CD247: variants seen among roughly 807,000 people sequenced by gnomAD.
CD247 encodes the protein CD247 molecule.
A neutral mutation model predicts 30.0 loss-of-function variants in CD247; 13 were observed. The ratio of observed to expected loss-of-function variants is 0.43; its 90% CI spans 0.28 to 0.69. CD247 has a LOEUF of 0.69. CD247 is among the 30% of genes least tolerant of loss of function. The pLI is 0.16. For synonymous variants in CD247, 72 were observed against 80.0 expected, an observed-to-expected ratio of 0.90 and a Z score of 0.53; for missense variants, 193 against 212.6, an observed-to-expected ratio of 0.91 and a Z score of 0.57.
intron 1 of CD247, among the ~76,000 whole-genome samples, chr1:167,486,749 G>A (rs1654225330): frequency 6.6e-6 from 1 of 152,232 alleles, no homozygotes; most frequent in African/African-American, 2.4e-5. Flanking sequence ...GCCACTGCAA[G>A]CTGCTCTGAT....
intron 1 of CD247, among the ~76,000 whole-genome samples, chr1:167,512,791 G>A (rs912847651): frequency 1.3e-5 from 2 of 152,202 alleles, no homozygotes; most frequent in African/African-American, 4.8e-5. Context: ...CACAGAGGAA[G>A]AACAGGGCTC....
At chr1:167,436,707 G>A (rs1651558896) in intron 4 of CD247, among the ~76,000 whole-genome samples, 1 of 152,092 alleles carries the variant, frequency 6.6e-6, no homozygotes, top group Non-Finnish European at 1.5e-5. Context: ...CATATAAATG[G>A]CTAAGAGACA....
intron 1 of CD247, among the ~76,000 whole-genome samples, chr1:167,507,270 A>C (rs867628552): frequency 6.6e-6 from 1 of 150,518 alleles, no homozygotes; most frequent in Non-Finnish European, 1.5e-5. Flanking sequence ...GATTGGAGAG[A>C]GAGATGATGA....
At chr1:167,512,521 G>C (rs1174571414) in intron 1 of CD247, among the ~76,000 whole-genome samples, 1 of 152,184 alleles carries the variant, frequency 6.6e-6, no homozygotes, top group Non-Finnish European at 1.5e-5. Flanking sequence ...TTATCTCACA[G>C]ATGCTAAAAC....
At chr1:167,435,462 A>G in intron 4 of CD247, 28 bp from the exon 5 acceptor site, 2 of 1,600,216 alleles carry the variant, frequency 1.2e-6, no homozygotes, top group Non-Finnish European at 1.7e-6. Flanking sequence ...AAGACGTTAG[A>G]GGGAGAGAAA....
intron 1 of CD247, among the ~76,000 whole-genome samples, chr1:167,441,957 G>A (rs1282749031): frequency 4.6e-5 from 7 of 151,960 alleles, no homozygotes; most frequent in Non-Finnish European, 2.9e-5. Context: ...CTAAAAATAC[G>A]AAAATTAGCT....
At chr1:167,460,046 T>C (rs1036925827) in intron 1 of CD247, among the ~76,000 whole-genome samples, 7 of 152,190 alleles carry the variant, frequency 4.6e-5, no homozygotes, top group African/African-American at 1.4e-4. Flanking sequence ...CAGGGTAGGT[T>C]TCCTGGCATC....
rs1571609013 is a variant in CD247, at chr1:167,515,800, T to A, written c.58+2608A>T. Reference sequence around the variant, plus strand: ...TAACATATTGAAAGCAAATGAAGAATCCCAGCCATGGGTTTCCATCTCCTG... The same window carrying A: ...TAACATATTGAAAGCAAATGAAGAAACCCAGCCATGGGTTTCCATCTCCTG... On this transcript the variant is annotated intron_variant, in intron 1 of 7. Transcript: ENST00000362089. Among the ~76,000 whole-genome samples the A allele has an allele frequency of 2.0e-5, 3 of 152,170 alleles. No individual in the cohort carries two copies. In the South Asian group the frequency reaches 6.2e-4, roughly 32 times the overall value.
intron 1 of CD247, among the ~76,000 whole-genome samples, chr1:167,507,222 AT>A (rs766016142): frequency 0.012 from 1,731 of 144,324 alleles, 4 homozygotes; most frequent in Middle Eastern, 0.019. Flanking sequence ...CCTGGCCTGA[AT>A]TTTTTTTTTT....
chr1:167,438,247 G>C (rs1396227072), intron 4 of CD247, among the ~76,000 whole-genome samples: 1 of 152,196 alleles, frequency 6.6e-6, no homozygotes, highest in African/African-American at 2.4e-5. Flanking sequence ...CTCTTCACCA[G>C]GTCTGTCCTC....
chr1:167,501,722 GTGTT>G (rs1654915922), intron 1 of CD247, among the ~76,000 whole-genome samples: 2 of 152,210 alleles, frequency 1.3e-5, no homozygotes, highest in South Asian at 4.1e-4. Context: ...AAACACAACT[GTGTT>G]TGTTCTTCCC....
intron 1 of CD247, chr1:167,448,560 G>T (rs1455074690): frequency 1.0e-6 from 1 of 983,462 alleles, no homozygotes; most frequent in Non-Finnish European, 1.2e-6. Context: ...AGTGCTTATA[G>T]CAATGACCCA....
intron 1 of CD247, among the ~76,000 whole-genome samples, chr1:167,447,850 C>A (rs374291025): frequency 6.6e-6 from 1 of 151,970 alleles, no homozygotes. Context: ...AGCCCTGAGT[C>A]CTGCTGCTGC....
chr1:167,437,931 T>C (rs961552049), intron 4 of CD247, among the ~76,000 whole-genome samples: 1 of 152,188 alleles, frequency 6.6e-6, no homozygotes, highest in Non-Finnish European at 1.5e-5. Flanking sequence ...AATTTAATCA[T>C]TTCATATTAT....
intron 1 of CD247, among the ~76,000 whole-genome samples, chr1:167,517,928 T>C (rs1390136098): frequency 1.3e-5 from 2 of 152,124 alleles, no homozygotes; most frequent in Non-Finnish European, 2.9e-5. Context: ...TGACCTTGAC[T>C]GACCAACAAA....
At position 167,501,881 on chromosome 1, in the gene CD247, A is replaced by G. The variant is rs139265875; in HGVS notation, c.58+16527T>C. 2.6e-5 allele frequency among the ~76,000 whole-genome samples: 4 copies of G among 152,368 alleles called. No individual in the cohort carries two copies. The East Asian group carries it at 7.7e-4, about 29-fold the overall frequency. ...GCTGGAGCAGAGAAGAGGAGCACGCAGGTAGAACTGTCTAAAATCCAAAAC... is the reference window on the plus strand; with the variant it reads ...GCTGGAGCAGAGAAGAGGAGCACGCGGGTAGAACTGTCTAAAATCCAAAAC... On this transcript the variant is annotated intron_variant, in intron 1 of 7. Coordinates refer to ENST00000362089, the MANE Select transcript of CD247 (RefSeq NM_198053.3).
intron 1 of CD247, among the ~76,000 whole-genome samples, chr1:167,506,230 C>A: frequency 1.7e-5 from 1 of 59,612 alleles, no homozygotes; most frequent in Admixed American, 1.8e-4. Context: ...TTTTTCTTTT[C>A]TTTTCTTTTC....
intron 1 of CD247, among the ~76,000 whole-genome samples, chr1:167,515,857 A>G (rs940018557): frequency 1.3e-5 from 2 of 152,258 alleles, no homozygotes; most frequent in Admixed American, 1.3e-4. Context: ...CCGAGATGTA[A>G]TAATAGTAAT....
At chr1:167,436,903 T>C (rs769053287) in intron 4 of CD247, among the ~76,000 whole-genome samples, 20 of 151,960 alleles carry the variant, frequency 1.3e-4, no homozygotes, top group Non-Finnish European at 2.5e-4. Flanking sequence ...ACAACCATTA[T>C]GGAAAACAGT....
Sources: gnomAD v4.1 joint callset for allele counts (sites outside exome capture counted in the v4.1 genomes callset) on GRCh38, gnomAD v4.1.1 for gene constraint, MANE v1.5 for transcripts, NCBI Gene and HGNC (gene_info 2026-07-23, HGNC 2026-07-21) for gene names.